The following PCDH15 variants were observed in gnomAD, a reference collection of about 807,000 sequenced individuals.
PCDH15 encodes the protein protocadherin related 15.
In PCDH15, 129 loss-of-function variants were observed where a neutral mutation model predicts 178.5. The observed-to-expected ratio is 0.72, with a 90% CI of 0.63 to 0.84. The LOEUF (loss-of-function observed/expected upper bound fraction) is 0.84. Ranked by LOEUF, PCDH15 falls within the 40% of genes least tolerant of loss-of-function variation. The pLI, the probability that PCDH15 is intolerant of heterozygous loss-of-function variation, is 0.00. For synonymous variants in PCDH15, 800 were observed against 732.0 expected, an observed-to-expected ratio of 1.09 and a Z score of -1.50; for missense variants, 2,230 against 2,099.9, an observed-to-expected ratio of 1.06 and a Z score of -1.21.
intron 8 of PCDH15, among the ~76,000 whole-genome samples, chr10:54,300,162 G>A (rs1180762677): frequency 6.6e-6 from 1 of 152,092 alleles, no homozygotes; most frequent in African/African-American, 2.4e-5. Context: ...GAAGAGTGTT[G>A]TTTTTACCCT....
At chr10:54,714,710 A>G (rs11004468) in intron 1 of PCDH15, among the ~76,000 whole-genome samples, 15,594 of 152,172 alleles carry the variant, frequency 0.1, 844 homozygotes, top group Admixed American at 0.12. Flanking sequence ...CCCATGGCTA[A>G]TAGATTTAAC....
chr10:54,600,581 C>A (rs1228343902), intron 2 of PCDH15: 1 of 591,440 alleles, frequency 1.7e-6, no homozygotes, highest in East Asian at 4.4e-5. Context: ...CTCAAATGGT[C>A]GAAGAGCATG....
At chr10:54,753,516 A>AAAC (rs1566132541) in intron 1 of PCDH15, among the ~76,000 whole-genome samples, 29 of 151,360 alleles carry the variant, frequency 1.9e-4, no homozygotes, top group African/African-American at 3.4e-4. Flanking sequence ...AACAAACAAA[A>AAAC]AAAAAAACTT....
chr10:54,966,792 C>T (rs1340845362), intron 2 of PCDH15, among the ~76,000 whole-genome samples: 2 of 152,102 alleles, frequency 1.3e-5, no homozygotes, highest in Non-Finnish European at 2.9e-5. Context: ...CATCTTCCAC[C>T]ATGATTGTGA....
At chr10:53,979,400 T>C (rs111669117) in intron 21 of PCDH15, among the ~76,000 whole-genome samples, 103 of 152,282 alleles carry the variant, frequency 6.8e-4, no homozygotes, top group African/African-American at 2.4e-3. Flanking sequence ...TGTCTCCCAC[T>C]GGGTCTCTCC....
chr10:54,295,045 G>A (rs1447029847), intron 8 of PCDH15, among the ~76,000 whole-genome samples: 4 of 152,056 alleles, frequency 2.6e-5, no homozygotes, highest in Non-Finnish European at 5.9e-5. Context: ...GTATATATTT[G>A]AAAATTGCTA....
intron 6 of PCDH15, among the ~76,000 whole-genome samples, chr10:54,332,756 A>C (rs1940105430): frequency 6.6e-6 from 1 of 152,002 alleles, no homozygotes; most frequent in Admixed American, 6.6e-5. Context: ...GAATCTTTGC[A>C]ATACTTTTTT....
intron 1 of PCDH15, among the ~76,000 whole-genome samples, chr10:54,750,152 G>A (rs937730267): frequency 4.6e-5 from 7 of 151,688 alleles, no homozygotes; most frequent in Admixed American, 3.9e-4. Flanking sequence ...TTAACAGCAA[G>A]TTAAAAATGC....
chr10:54,461,887 A>T (rs1015847790), intron 3 of PCDH15, among the ~76,000 whole-genome samples: 5 of 152,088 alleles, frequency 3.3e-5, no homozygotes, highest in African/African-American at 1.2e-4. Flanking sequence ...AATTCTTACC[A>T]AGTTATTAGG....
At chr10:55,165,509 C>T (rs1014179370) in intron 2 of PCDH15, among the ~76,000 whole-genome samples, 1 of 151,732 alleles carries the variant, frequency 6.6e-6, no homozygotes, top group Non-Finnish European at 1.5e-5. Context: ...AATCCCCCTG[C>T]AAAACAGCAT....
Position 55,567,620 on chromosome 10 carries a change from T to C in PCDH15, c.-156+60005A>G, listed in dbSNP as rs549308646. Among the ~76,000 whole-genome samples, 102 of 151,978 alleles carry C rather than the reference T, an allele frequency of 6.7e-4. 1 individual carries two copies. Among genetic ancestry groups the C allele is most frequent in the African/African-American group, 2.2e-3 (93 of 41,484 alleles). On this transcript the variant is annotated intron_variant, in intron 2 of 5. Coordinates refer to the PCDH15 transcript ENST00000613346. The stretch of plus-strand genomic sequence containing the variant: ...AAAAACAAGCAACCTGATTCAAAAA[T>C]GGTCAAAATACTTGAATAGACATTT...
chr10:54,139,632 C>T (rs904564580), intron 14 of PCDH15, among the ~76,000 whole-genome samples: 3 of 151,870 alleles, frequency 2.0e-5, no homozygotes, highest in Non-Finnish European at 4.4e-5. Context: ...GTTTTGTTCA[C>T]TAAAATTTAA....
chr10:55,509,894 G>A (rs1840841772), intron 2 of PCDH15, among the ~76,000 whole-genome samples: 1 of 151,914 alleles, frequency 6.6e-6, no homozygotes, highest in Admixed American at 6.6e-5. Flanking sequence ...GAACCTTGGA[G>A]ACAATCTAAC....
At chr10:53,968,675 G>A (rs2089319926) in intron 21 of PCDH15, among the ~76,000 whole-genome samples, 1 of 152,166 alleles carries the variant, frequency 6.6e-6, no homozygotes. Context: ...GGATCAGGCA[G>A]CAACATTTGC....
At chr10:55,442,742 C>T (rs1039964070) in intron 2 of PCDH15, among the ~76,000 whole-genome samples, 3 of 151,614 alleles carry the variant, frequency 2.0e-5, no homozygotes, top group African/African-American at 7.3e-5. Context: ...ATTGTGAATG[C>T]ACGGATGCTC....
At chr10:54,714,073 C>T (rs1228651627) in intron 1 of PCDH15, among the ~76,000 whole-genome samples, 15 of 152,134 alleles carry the variant, frequency 9.9e-5, no homozygotes, top group Admixed American at 9.9e-4. Flanking sequence ...ACACTGGCCA[C>T]GTAGCAGCCC....
intron 34 of PCDH15, among the ~76,000 whole-genome samples, chr10:53,816,818 C>T (rs1194317032): frequency 1.3e-5 from 2 of 152,184 alleles, no homozygotes; most frequent in African/African-American, 4.8e-5. Flanking sequence ...TGCACTAAAA[C>T]ATTAAGTGTG....
At chr10:54,447,706 G>T (rs2076230254) in intron 3 of PCDH15, among the ~76,000 whole-genome samples, 1 of 151,662 alleles carries the variant, frequency 6.6e-6, no homozygotes, top group Admixed American at 6.6e-5. Flanking sequence ...TAAGAAATAG[G>T]TTTGGAATAT....
In PCDH15 at chr10:53,811,585, T is replaced by C. The variant is rs115559383; in HGVS notation, c.4526A>G (p.Gln1509Arg). Residue 1509 changes from glutamine to arginine, a missense_variant, in exon 36 of 38, where the codon CAG (glutamine) becomes CGG (arginine). By Grantham distance (43) the Gln-to-Arg change is conservative. Coordinates refer to ENST00000644397, the MANE Select transcript of PCDH15 (RefSeq NM_001384140.1). ...LSMESGIDPG[Q>R]EYGQDYYSYE... is the part of the protein sequence containing the mutation. The stretch of plus-strand genomic sequence containing the variant: ...ACTGTAATAATCTTGTCCATATTCC[T>C]GGCCAGGATCAATTCCAGACTCCAT... The C allele has an allele frequency of 9.9e-5, 156 of 1,572,384 alleles. No homozygotes were observed. In the African/African-American group the frequency reaches 1.9e-3, roughly 19 times the overall value.
Sources: allele counts gnomAD v4.1 joint callset (sites outside exome capture counted in the v4.1 genomes callset), GRCh38; gene constraint gnomAD v4.1.1; transcripts MANE v1.5; gene names NCBI Gene and HGNC (gene_info 2026-07-23, HGNC 2026-07-21).